The following RAB3C variants were observed in gnomAD, a reference collection of about 807,000 sequenced individuals.
The protein encoded by RAB3C is ras-related protein Rab-3C.
A neutral mutation model predicts 26.4 loss-of-function variants in RAB3C; 17 were observed. The observed-to-expected ratio is 0.64, with a 90% CI of 0.44 to 0.97. The LOEUF is 0.97. Ranked by LOEUF, RAB3C falls within the 50% of genes least tolerant of loss-of-function variation. RAB3C has a pLI of 0.00. For missense variants in RAB3C, 242 were observed against 281.9 expected, an observed-to-expected ratio of 0.86 and a Z score of 1.01; for synonymous variants, 91 against 95.9, an observed-to-expected ratio of 0.95 and a Z score of 0.30.
At chr5:58,708,242 G>A (rs754813658) in intron 2 of RAB3C, among the ~76,000 whole-genome samples, 5 of 152,034 alleles carry the variant, frequency 3.3e-5, no homozygotes, top group South Asian at 2.1e-4. Context: ...CTCTAGCCTC[G>A]GGCTCCCAAA....
chr5:58,694,493 C>T (rs1748649790), intron 2 of RAB3C, among the ~76,000 whole-genome samples: 1 of 152,122 alleles, frequency 6.6e-6, no homozygotes, highest in Non-Finnish European at 1.5e-5. Flanking sequence ...GTTCTAGATC[C>T]TTGAGGAATC....
In RAB3C at chr5:58,853,123, C is replaced by G. The variant is rs1343619869; in HGVS notation, c.*1772C>G. 1 of 152,094 alleles carries G rather than the reference C, an allele frequency of 6.6e-6. No individual in the cohort carries two copies. The highest frequency in any genetic ancestry group is 1.5e-5 in the Non-Finnish European group (1 of 68,014). 9.4% of individuals were successfully genotyped at this position (152,094 alleles called of 1,614,324 possible). ...TACTTTGGTGCCCTACAAAGCAAACCTTAGCATAGTAAAGACAAGAAAACA... is the reference window on the plus strand; with the variant it reads ...TACTTTGGTGCCCTACAAAGCAAACGTTAGCATAGTAAAGACAAGAAAACA... On this transcript the variant is annotated 3_prime_UTR_variant, in exon 5 of 5. Transcript: ENST00000282878.
At chr5:58,583,254 G>C (rs1336930758) in intron 1 of RAB3C, 22 bp downstream of exon 1, 1 of 1,613,962 alleles carries the variant, frequency 6.2e-7, no homozygotes, top group African/African-American at 1.3e-5. Context: ...AAGAAAGAGT[G>C]GCCTCGGGAG....
At chr5:58,808,548 C>T (rs1436398922) in intron 3 of RAB3C, among the ~76,000 whole-genome samples, 1 of 152,120 alleles carries the variant, frequency 6.6e-6, no homozygotes, top group Non-Finnish European at 1.5e-5. Flanking sequence ...AGGCAGGTAG[C>T]TAAATTAAGT....
At chr5:58,712,293 T>C (rs1265840638) in intron 2 of RAB3C, among the ~76,000 whole-genome samples, 3 of 152,150 alleles carry the variant, frequency 2.0e-5, no homozygotes, top group African/African-American at 4.8e-5. Flanking sequence ...AGATGTTTAC[T>C]TTGTATTTTT....
In RAB3C at chr5:58,856,550, T is replaced by C. The variant is rs919703209; in HGVS notation, c.*5199T>C. On this transcript the variant is annotated 3_prime_UTR_variant, in exon 5 of 5. Coordinates refer to ENST00000282878, the MANE Select transcript of RAB3C (RefSeq NM_138453.4). ...TTACTGGTGGAGTTTCAAACAGTCA[T>C]TACTTGCTGAAATGAGGTTTGAGGT... The C allele has an allele frequency of 1.3e-5, 2 of 152,200 alleles. No homozygotes were observed. Among genetic ancestry groups the C allele is most frequent in the African/African-American group, 4.8e-5 (2 of 41,458 alleles). The allele number at this position is 152,200 out of a possible 1,614,324, so 9.4% of individuals were successfully genotyped here. A position where few individuals can be genotyped will look rare whatever the true frequency, so the allele number is the denominator to read the frequency against.
intron 2 of RAB3C, among the ~76,000 whole-genome samples, chr5:58,697,307 G>C (rs1187616309): frequency 2.0e-5 from 3 of 152,002 alleles, no homozygotes; most frequent in Admixed American, 2.0e-4. Context: ...GTGATTTCCA[G>C]TCTTTTACAA....
chr5:58,719,829 A>AGG (rs777696369), intron 2 of RAB3C, among the ~76,000 whole-genome samples: 5 of 151,956 alleles, frequency 3.3e-5, no homozygotes, highest in Non-Finnish European at 5.9e-5. Context: ...GGTACAGGGT[A>AGG]TACTGCTTGG....
intron 2 of RAB3C, among the ~76,000 whole-genome samples, chr5:58,673,523 A>T (rs6877247): frequency 0.17 from 25,858 of 151,706 alleles, 2,301 homozygotes; most frequent in African/African-American, 0.2. Context: ...ACAATCTCTT[A>T]AAGTAGGCTT....
chr5:58,786,977 A>AT (rs1291954599), intron 3 of RAB3C, among the ~76,000 whole-genome samples: 1 of 152,116 alleles, frequency 6.6e-6, no homozygotes, highest in East Asian at 1.9e-4. Flanking sequence ...AGGCTCCGAG[A>AT]TAAGACGACC....
At chr5:58,737,974 TCTTTCC>T (rs551370670) in intron 3 of RAB3C, among the ~76,000 whole-genome samples, 98 of 152,346 alleles carry the variant, frequency 6.4e-4, no homozygotes, top group African/African-American at 2.2e-3. Context: ...TGTAGCACAT[TCTTTCC>T]CTAAAACAGC....
At chr5:58,657,570 G>A (rs1747809529) in intron 2 of RAB3C, among the ~76,000 whole-genome samples, 1 of 152,080 alleles carries the variant, frequency 6.6e-6, no homozygotes. Flanking sequence ...TCCGCAGGAA[G>A]GTCACTAGCA....
chr5:58,823,364 A>G (rs1310762735), intron 3 of RAB3C: 1 of 172,382 alleles, frequency 5.8e-6, no homozygotes. Flanking sequence ...TGCAAAAACA[A>G]TTTATAAAAA....
intron 3 of RAB3C, among the ~76,000 whole-genome samples, chr5:58,796,795 C>T (rs80024581): frequency 0.047 from 7,081 of 152,074 alleles, 227 homozygotes; most frequent in African/African-American, 0.084. Context: ...CTCTTCCCAG[C>T]GTATGAGCTG....
intron 4 of RAB3C, among the ~76,000 whole-genome samples, chr5:58,832,620 C>G (rs1579943777): frequency 6.6e-6 from 1 of 152,162 alleles, no homozygotes; most frequent in South Asian, 2.1e-4. Flanking sequence ...GGCATGGACT[C>G]AGTGCTAGAG....
chr5:58,816,988 G>C (rs1743232283), intron 3 of RAB3C: 1 of 152,196 alleles, frequency 6.6e-6, no homozygotes, highest in Non-Finnish European at 1.5e-5. Context: ...CCCTTTCTGG[G>C]ATGGGCTCTT....
intron 2 of RAB3C, among the ~76,000 whole-genome samples, chr5:58,656,874 C>A (rs933493751): frequency 6.6e-6 from 1 of 152,126 alleles, no homozygotes; most frequent in African/African-American, 2.4e-5. Context: ...TCCAACAGTC[C>A]CACTACTGGG....
chr5:58,797,507 G>A (rs1742699992), intron 3 of RAB3C, among the ~76,000 whole-genome samples: 1 of 151,416 alleles, frequency 6.6e-6, no homozygotes, highest in Non-Finnish European at 1.5e-5. Context: ...TTTAGGTAAT[G>A]GCTTCTCAGC....
At chr5:58,673,916 A>G (rs1322867374) in intron 2 of RAB3C, among the ~76,000 whole-genome samples, 2 of 152,214 alleles carry the variant, frequency 1.3e-5, no homozygotes, top group African/African-American at 2.4e-5. Context: ...ACATGCACAT[A>G]AGAAACATAG....
Sources: gnomAD v4.1 joint callset for allele counts (sites outside exome capture counted in the v4.1 genomes callset) on GRCh38, gnomAD v4.1.1 for gene constraint, MANE v1.5 for transcripts, NCBI Gene and HGNC (gene_info 2026-07-23, HGNC 2026-07-21) for gene names.